Variants in ZNF430 observed in about 807,000 individuals in gnomAD.
ZNF430 encodes the protein zinc finger protein 430.
In ZNF430, 35 loss-of-function variants were observed where a neutral mutation model predicts 56.7. The ratio of observed to expected loss-of-function variants is 0.62; its 90% CI spans 0.47 to 0.82. The LOEUF is 0.82. Among genes scored for constraint, ZNF430 ranks in the 40% least tolerant of loss-of-function variants. The pLI, the probability that ZNF430 is intolerant of heterozygous loss-of-function variation, is 0.00. For missense variants in ZNF430, 574 were observed against 661.0 expected, an observed-to-expected ratio of 0.87 and a Z score of 1.44; for synonymous variants, 212 against 224.3, an observed-to-expected ratio of 0.94 and a Z score of 0.49.
rs1365508109 is a variant in ZNF430, at chr19:21,056,856, T to G, written c.548T>G (p.Val183Gly). 5 of 1,610,568 alleles carry G rather than the reference T, an allele frequency of 3.1e-6. No individual in the cohort carries two copies. The highest frequency in any genetic ancestry group is 4.2e-6 in the Non-Finnish European group (5 of 1,178,410). Residue 183 changes from valine to glycine, a missense_variant, in exon 5 of 5, where the codon GTG (valine) becomes GGG (glycine). Around this residue, in one of 3 missense-constraint regions of ZNF430, gnomAD observed 346 missense variants for 399.1 expected, o/e 0.87. Coordinates refer to ENST00000261560, the MANE Select transcript of ZNF430 (RefSeq NM_025189.4). ...GAAATATTTCAATATGATAAATATG[T>G]GAATGTCTTTTATAAATTTTCAAAT... Reference protein sequence around the residue: ...QSEIFQYDKYVNVFYKFSNPN... With the variant: ...QSEIFQYDKYGNVFYKFSNPN...
At chr19:21,042,602 C>T (rs1968123139) in intron 4 of ZNF430, among the ~76,000 whole-genome samples, 1 of 152,090 alleles carries the variant, frequency 6.6e-6, no homozygotes, top group Non-Finnish European at 1.5e-5. Context: ...TCCTGGCTAA[C>T]ACGGTGAAAC....
chr19:21,045,913 A>G (rs1267523966), intron 4 of ZNF430, among the ~76,000 whole-genome samples: 1 of 151,980 alleles, frequency 6.6e-6, no homozygotes, highest in Admixed American at 6.6e-5. Context: ...CATTTTAAGC[A>G]TGTGTGTGTC....
At chr19:21,055,625 TG>T (rs981602527) in intron 4 of ZNF430, among the ~76,000 whole-genome samples, 10 of 152,112 alleles carry the variant, frequency 6.6e-5, no homozygotes, top group Non-Finnish European at 1.2e-4. Flanking sequence ...ACTTTTCTTT[TG>T]TTTTTTTAGT....
chr19:21,028,383 T>C (rs1162709604), intron 2 of ZNF430, among the ~76,000 whole-genome samples: 1 of 152,168 alleles, frequency 6.6e-6, no homozygotes, highest in Non-Finnish European at 1.5e-5. Flanking sequence ...TAAAATGTGA[T>C]ACTGGAGTAG....
intron 4 of ZNF430, 114 bp from the exon 5 acceptor site, chr19:21,056,517 A>T: frequency 3.7e-5 from 27 of 734,174 alleles, no homozygotes; most frequent in Non-Finnish European, 5.9e-6. Flanking sequence ...GGCCTTTATT[A>T]TTTTGCTATG....
chr19:21,040,706 A>G (rs1160861951), intron 4 of ZNF430, among the ~76,000 whole-genome samples: 2 of 152,168 alleles, frequency 1.3e-5, no homozygotes, highest in South Asian at 2.1e-4. Flanking sequence ...CTGATCTTTT[A>G]TCTAAATTTT....
chr19:21,055,021 T>A (rs1568593166), intron 4 of ZNF430, among the ~76,000 whole-genome samples: 1 of 152,098 alleles, frequency 6.6e-6, no homozygotes, highest in East Asian at 1.9e-4. Context: ...TGGTATTTTT[T>A]GCCTTCATAA....
intron 4 of ZNF430, among the ~76,000 whole-genome samples, chr19:21,055,009 T>C (rs1189740120): frequency 6.6e-6 from 1 of 151,980 alleles, no homozygotes; most frequent in Non-Finnish European, 1.5e-5. Context: ...AGTTAGTCTT[T>C]TTGGTATTTT....
intron 4 of ZNF430, among the ~76,000 whole-genome samples, chr19:21,043,266 G>A (rs1031979445): frequency 2.0e-5 from 3 of 152,154 alleles, no homozygotes; most frequent in African/African-American, 7.2e-5. Flanking sequence ...TCATATTTAA[G>A]TCTTTAATCC....
intron 4 of ZNF430, among the ~76,000 whole-genome samples, chr19:21,043,860 G>A (rs1362271827): frequency 6.6e-6 from 1 of 151,670 alleles, no homozygotes; most frequent in African/African-American, 2.4e-5. Context: ...TAGCAATTGT[G>A]GATGGAGGTT....
chr19:21,031,746 C>CT (rs1217433810), intron 2 of ZNF430, among the ~76,000 whole-genome samples: 3 of 152,056 alleles, frequency 2.0e-5, no homozygotes, highest in Non-Finnish European at 4.4e-5. Context: ...GAAAAAATGG[C>CT]TTTTTTTCAG....
chr19:21,023,395 A>G (rs551203298), intron 2 of ZNF430, among the ~76,000 whole-genome samples: 2 of 152,304 alleles, frequency 1.3e-5, no homozygotes, highest in South Asian at 4.1e-4. Flanking sequence ...TGTAAATTCT[A>G]TTAGTAGGGC....
chr19:21,022,129 C>T (rs772941801), intron 1 of ZNF430, among the ~76,000 whole-genome samples: 4 of 152,108 alleles, frequency 2.6e-5, no homozygotes, highest in Admixed American at 2.0e-4. Flanking sequence ...TGAGCTATCA[C>T]GCCCAGCCAC....
chr19:21,038,812 A>T (rs1968049254), intron 4 of ZNF430, among the ~76,000 whole-genome samples: 1 of 152,202 alleles, frequency 6.6e-6, no homozygotes, highest in Non-Finnish European at 1.5e-5. Flanking sequence ...AAATTTAAAA[A>T]TTTTAAACAA....
chr19:21,029,879 C>T (rs577537942), intron 2 of ZNF430, among the ~76,000 whole-genome samples: 23 of 152,096 alleles, frequency 1.5e-4, no homozygotes, highest in East Asian at 5.8e-4. Context: ...GCAGGAGAAT[C>T]GCTTGAACCC....
In ZNF430 at chr19:21,026,827, C is replaced by CTTTTTTTTTTTTTTTTTTTTTTTTT. The variant is rs747809260; in HGVS notation, c.96+3969_96+3970insTTTTTTTTTTTTTTTTTTTTTTTTT. 3.4e-3 allele frequency among the ~76,000 whole-genome samples: 231 copies of CTTTTTTTTTTTTTTTTTTTTTTTTT among 68,730 alleles called. 33 individuals are homozygous for CTTTTTTTTTTTTTTTTTTTTTTTTT. Among genetic ancestry groups the CTTTTTTTTTTTTTTTTTTTTTTTTT allele is most frequent in the East Asian group, 5.2e-3 (10 of 1,914 alleles). The allele number at this position is 68,730 out of a possible 152,430, so 45.1% of individuals were successfully genotyped here. A position where few individuals can be genotyped will look rare whatever the true frequency, so the allele number is the denominator to read the frequency against. Reference sequence around the variant, plus strand: ...TTGGATGCCTTTTTTCTTTTCTTTTCTTTTTTTTTTTTTTTTTTTTTTTGA... The same window carrying CTTTTTTTTTTTTTTTTTTTTTTTTT: ...TTGGATGCCTTTTTTCTTTTCTTTTCTTTTTTTTTTTTTTTTTTTTTTTTTTTTTTTTTTTTTTTTTTTTTTTTGA... On this transcript the variant is annotated intron_variant, in intron 2 of 4. Coordinates refer to ENST00000261560, the MANE Select transcript of ZNF430 (RefSeq NM_025189.4).
intron 4 of ZNF430, among the ~76,000 whole-genome samples, chr19:21,042,309 C>T (rs2144774034): frequency 6.6e-6 from 1 of 152,120 alleles, no homozygotes; most frequent in African/African-American, 2.4e-5. Context: ...TATTTATATT[C>T]CTTTGGGTAT....
intron 4 of ZNF430, among the ~76,000 whole-genome samples, chr19:21,051,193 C>G (rs1425678945): frequency 6.6e-6 from 1 of 152,114 alleles, no homozygotes; most frequent in Non-Finnish European, 1.5e-5. Flanking sequence ...TTTTCTCTTT[C>G]TAAGAGTGTA....
chr19:21,021,808 A>G (rs1599486125), intron 1 of ZNF430, among the ~76,000 whole-genome samples: 1 of 142,220 alleles, frequency 7.0e-6, no homozygotes, highest in South Asian at 2.2e-4. Context: ...TTTCAAAACG[A>G]TGCGCCTGAG....
Sources: allele counts gnomAD v4.1 joint callset (sites outside exome capture counted in the v4.1 genomes callset), GRCh38; gene constraint gnomAD v4.1.1; regional missense constraint gnomAD v4.1.1; transcripts MANE v1.5; gene names NCBI Gene and HGNC (gene_info 2026-07-23, HGNC 2026-07-21).